USP13: variants seen among roughly 807,000 people sequenced by gnomAD.
The protein encoded by USP13 is ubiquitin carboxyl-terminal hydrolase 13.
USP13 carries 68 observed loss-of-function variants against 107.8 expected under a neutral mutation model. That is an observed-to-expected ratio of 0.63 (90% CI 0.52 to 0.77). The LOEUF (loss-of-function observed/expected upper bound fraction) is 0.77. Ranked by LOEUF, USP13 falls within the 30% of genes least tolerant of loss-of-function variation. The pLI, the probability that USP13 is intolerant of heterozygous loss-of-function variation, is 0.00. For synonymous variants in USP13, 377 were observed against 389.5 expected (o/e 0.97, Z 0.38); for missense variants, 945 against 1,093.3 (o/e 0.86, Z 1.91).
At chr3:179,774,470 C>T (rs2108548590) in intron 19 of USP13, among the ~76,000 whole-genome samples, 2 of 152,300 alleles carry the variant, frequency 1.3e-5, no homozygotes, top group South Asian at 4.1e-4. Flanking sequence ...AGGAGTGAAG[C>T]TGCAGACCTT....
chr3:179,653,633 C>T lies in USP13; in HGVS notation c.168+240C>T, dbSNP rs1303603696. 3.8e-6 allele frequency: 2 copies of T among 532,376 alleles called. No individual in the cohort carries two copies. The highest frequency in any genetic ancestry group is 2.0e-5 in the African/African-American group (1 of 50,534). The allele number at this position is 532,376 out of a possible 1,614,324, so 33.0% of individuals were successfully genotyped here. The stretch of plus-strand genomic sequence containing the variant: ...TCCCCAGGCTGGAAGGGCCCGATTC[C>T]CAGCAGCTTGCACACAGCCCCGCCG... On this transcript the variant is annotated intron_variant, in intron 1 of 20. Transcript: ENST00000263966. The surrounding 1 kb of genome is among the most constrained non-coding windows in gnomAD (Gnocchi z 4.0).
Position 179,747,138 on chromosome 3 carries a change from G to A in USP13, c.1709+1921G>A, listed in dbSNP as rs375668434. ...GGGTGGTTGTGTGTGTGTATGTTGTGTATGTGTGCACATGTGCATGTGCCT... is the reference window on the plus strand; with the variant it reads ...GGGTGGTTGTGTGTGTGTATGTTGTATATGTGTGCACATGTGCATGTGCCT... On this transcript the variant is annotated intron_variant, in intron 13 of 20. Transcript: ENST00000263966. 2.6e-5 allele frequency among the ~76,000 whole-genome samples: 4 copies of A among 152,274 alleles called. No homozygotes were observed. In the South Asian group the frequency reaches 8.3e-4, roughly 32 times the overall value.
At chr3:179,735,653 A>T (rs1023723715) in intron 10 of USP13, among the ~76,000 whole-genome samples, 1 of 152,006 alleles carries the variant, frequency 6.6e-6, no homozygotes, top group African/African-American at 2.4e-5. Flanking sequence ...AAATTTAAAC[A>T]TCCTCCTTTT....
intron 3 of USP13, among the ~76,000 whole-genome samples, chr3:179,696,138 TC>T (rs1477370803): frequency 1.3e-5 from 2 of 152,200 alleles, no homozygotes; most frequent in African/African-American, 4.8e-5. Flanking sequence ...CAGTGGCTGA[TC>T]CGATTCAGGG....
In USP13 at chr3:179,775,143, G is replaced by A. The variant is rs542771718; in HGVS notation, c.2414-6596G>A. On this transcript the variant is annotated intron_variant, in intron 19 of 20. Transcript: ENST00000263966. The stretch of plus-strand genomic sequence containing the variant: ...AGCTAGATACAGTGCTGATTGGTGC[G>A]TTTACAAACCTTGAGCTAGATGCAG... Among the ~76,000 whole-genome samples the A allele has an allele frequency of 1.3e-4, 19 of 151,650 alleles. 1 individual carries two copies. The highest frequency in any genetic ancestry group is 3.9e-4 in the East Asian group (2 of 5,138).
At chr3:179,696,035 A>G (rs554792569) in intron 3 of USP13, among the ~76,000 whole-genome samples, 31 of 152,268 alleles carry the variant, frequency 2.0e-4, no homozygotes, top group Non-Finnish European at 8.8e-5. Flanking sequence ...CAATAACTCC[A>G]TATCTTTGTA....
chr3:179,745,327 A>G (rs1714364113), intron 13 of USP13, 110 bp downstream of exon 13: 1 of 1,327,098 alleles, frequency 7.5e-7, no homozygotes. Context: ...GTGTTTGTTC[A>G]TGTGTGATGG....
intron 13 of USP13, among the ~76,000 whole-genome samples, chr3:179,748,723 T>G (rs557465941): frequency 6.6e-6 from 1 of 152,072 alleles, no homozygotes; most frequent in Non-Finnish European, 1.5e-5. Context: ...GAGGGAGAGA[T>G]TTTTACTTAC....
intron 8 of USP13, among the ~76,000 whole-genome samples, chr3:179,728,237 C>G (rs1398849864): frequency 1.3e-5 from 2 of 149,688 alleles, no homozygotes; most frequent in South Asian, 2.1e-4. Context: ...AGGTGGCTGC[C>G]GGGCAGAGAC....
At chr3:179,676,624 G>T (rs1230155736) in intron 1 of USP13, among the ~76,000 whole-genome samples, 1 of 152,190 alleles carries the variant, frequency 6.6e-6, no homozygotes, top group Non-Finnish European at 1.5e-5. Flanking sequence ...GTATGTGAAA[G>T]ACAGTGTATG....
Position 179,784,090 on chromosome 3 carries a change from G to GC in USP13, c.2546dup (p.Lys850Ter). 6.2e-7 allele frequency: 1 copy of GC among 1,612,922 alleles called. No individual in the cohort carries two copies. Among genetic ancestry groups the GC allele is most frequent in the Non-Finnish European group, 8.5e-7 (1 of 1,179,698 alleles). On this transcript the variant is annotated frameshift_variant, in exon 21 of 21. Coordinates refer to ENST00000263966, the MANE Select transcript of USP13 (RefSeq NM_003940.3). LOFTEE classifies it high-confidence loss of function. ...ACCACAAAGTTTGTGCCTCAGAAAG[G>GC]CCCCCTAAAGACCTGGGCTACATGT...
At chr3:179,726,872 G>C (rs1388209211) in intron 8 of USP13, among the ~76,000 whole-genome samples, 1 of 151,912 alleles carries the variant, frequency 6.6e-6, no homozygotes. Context: ...TAGAGATAGG[G>C]TCTTATTTTG....
chr3:179,757,928 A>G (rs910042911), intron 16 of USP13, among the ~76,000 whole-genome samples: 1 of 152,198 alleles, frequency 6.6e-6, no homozygotes, highest in Non-Finnish European at 1.5e-5. Context: ...TCCCACTGCG[A>G]ATAATCTAAT....
chr3:179,698,979 C>G (rs1008112826), intron 3 of USP13, among the ~76,000 whole-genome samples: 5 of 151,916 alleles, frequency 3.3e-5, no homozygotes, highest in Non-Finnish European at 5.9e-5. Flanking sequence ...AAGCAATTCC[C>G]TGCCTCATCC....
intron 8 of USP13, 54 bp from the exon 9 acceptor site, chr3:179,730,135 G>T: frequency 6.6e-7 from 1 of 1,513,176 alleles, no homozygotes; most frequent in Non-Finnish European, 9.1e-7. Flanking sequence ...GGCTTGTTTT[G>T]GTTCTGTTCT....
intron 8 of USP13, among the ~76,000 whole-genome samples, chr3:179,725,086 CCTGTGA>C: frequency 6.6e-6 from 1 of 152,200 alleles, no homozygotes; most frequent in Admixed American, 6.5e-5. Flanking sequence ...GTGGTGCGTG[CCTGTGA>C]CACCAGATAC....
rs940497191 is a variant in USP13, at chr3:179,727,158, T to C, written c.1089-3031T>C. Among the ~76,000 whole-genome samples the C allele has an allele frequency of 7.1e-5, 10 of 141,786 alleles. No individual in the cohort carries two copies. The East Asian group carries it at 2.1e-3, about 29-fold the overall frequency. 93.0% of individuals were successfully genotyped at this position (141,786 alleles called of 152,430 possible). ...CATTTTGAGATTATTGGAACAATTT[T>C]TAATGTTTTTTTTTTTTTTTTTTTT... On this transcript the variant is annotated intron_variant, in intron 8 of 20. Coordinates refer to ENST00000263966, the MANE Select transcript of USP13 (RefSeq NM_003940.3).
At chr3:179,751,729 T>G (rs1410959690) in intron 13 of USP13, among the ~76,000 whole-genome samples, 1 of 152,020 alleles carries the variant, frequency 6.6e-6, no homozygotes, top group Non-Finnish European at 1.5e-5. Flanking sequence ...CCAAAAGCAT[T>G]CTTTTTTTTT....
At chr3:179,672,475 G>A (rs56270999) in intron 1 of USP13, among the ~76,000 whole-genome samples, 1 of 150,754 alleles carries the variant, frequency 6.6e-6, no homozygotes, top group African/African-American at 2.4e-5. Context: ...ATCTCTGCCT[G>A]CCGGGTTCAA....
Sources: gnomAD v4.1 joint callset for allele counts (sites outside exome capture counted in the v4.1 genomes callset) on GRCh38, gnomAD v4.1.1 for gene constraint, Gnocchi (gnomAD v3.1) non-coding constraint, MANE v1.5 for transcripts, NCBI Gene and HGNC (gene_info 2026-07-23, HGNC 2026-07-21) for gene names.